BSDC1: variants seen among roughly 807,000 people sequenced by gnomAD.
BSDC1 encodes the protein BSD domain-containing protein 1.
Under a neutral mutation model 56.0 loss-of-function variants are expected in BSDC1, and 29 were observed. The observed-to-expected ratio is 0.52, with a 90% confidence interval of 0.39 to 0.71. The LOEUF (loss-of-function observed/expected upper bound fraction) is 0.71, where lower values mean the gene tolerates loss of function less well. Ranked by LOEUF, BSDC1 falls within the 30% of genes least tolerant of loss-of-function variation. BSDC1 has a pLI of 0.00. For missense variants in BSDC1, 477 were observed against 548.5 expected, an observed-to-expected ratio of 0.87 and a Z score of 1.30; for synonymous variants, 210 against 215.3, an observed-to-expected ratio of 0.98 and a Z score of 0.21.
At chr1:32,381,319 G>C in intron 4 of BSDC1, 51 bp from the exon 5 acceptor site, 2 of 1,558,694 alleles carry the variant, frequency 1.3e-6, no homozygotes, top group Non-Finnish European at 1.8e-6. Flanking sequence ...ACTGGGCATA[G>C]AAAGCACCCT....
chr1:32,366,813 G>T (rs1641871645), intron 10 of BSDC1, 159 bp from the exon 11 acceptor site: 15 of 1,379,866 alleles, frequency 1.1e-5, no homozygotes, highest in Non-Finnish European at 1.4e-5. Flanking sequence ...CTTAAGGAAT[G>T]TGTCTGAGGG....
chr1:32,390,575 T>C (rs965040583), intron 2 of BSDC1, among the ~76,000 whole-genome samples: 2 of 152,138 alleles, frequency 1.3e-5, no homozygotes, highest in Non-Finnish European at 2.9e-5. Flanking sequence ...TTGAGATGAC[T>C]GTGGGCTGTC....
Position 32,378,340 on chromosome 1 carries a change from T to A in BSDC1, c.529-57A>T. On this transcript the variant is annotated intron_variant, in intron 6 of 10. Transcript: ENST00000455895. The surrounding 1 kb of genome is among the most constrained non-coding windows in gnomAD (Gnocchi z 5.2). ...TGGGAGTGTTTGTGTGGGGTCTGTG[T>A]CCCCAGCCTTATCAGTCTATTCCCA... 3 of 1,511,850 alleles carry A rather than the reference T, an allele frequency of 2.0e-6. No homozygotes were observed. Among genetic ancestry groups the A allele is most frequent in the East Asian group, 2.3e-5 (1 of 44,280 alleles). 93.7% of individuals were successfully genotyped at this position (1,511,850 alleles called of 1,614,324 possible).
chr1:32,389,642 A>G (rs144991051), intron 2 of BSDC1, among the ~76,000 whole-genome samples: 30 of 152,224 alleles, frequency 2.0e-4, no homozygotes, highest in South Asian at 8.3e-4. Flanking sequence ...TAAAGAATGA[A>G]CAGGAGTTGG....
intron 5 of BSDC1, among the ~76,000 whole-genome samples, chr1:32,379,534 C>G (rs1378311542): frequency 1.3e-5 from 2 of 152,172 alleles, no homozygotes; most frequent in Non-Finnish European, 2.9e-5. Context: ...GTTATCCAAC[C>G]TGGGGGCCAT....
chr1:32,367,413 G>A, intron 10 of BSDC1: 1 of 985,422 alleles, frequency 1.0e-6, no homozygotes. Flanking sequence ...GTAGTCACAA[G>A]TGCAAAATAC....
At position 32,366,409 on chromosome 1, in the gene BSDC1, C is replaced by T; in HGVS notation, c.*213G>A. 1.4e-6 allele frequency: 1 copy of T among 703,716 alleles called. No individual in the cohort carries two copies. The highest frequency in any genetic ancestry group is 1.5e-5 in the South Asian group (1 of 66,754). The allele number at this position is 703,716 out of a possible 1,614,324, so 43.6% of individuals were successfully genotyped here. ...CCCTTGGGTCATCCTATTGTTGGCA[C>T]AAGTCAGAGTTTCTGGCCGGGATTT... On this transcript the variant is annotated 3_prime_UTR_variant, in exon 11 of 11. Transcript: ENST00000455895.
chr1:32,366,594 G>A lies in BSDC1; in HGVS notation c.*28C>T. Reference sequence around the variant, plus strand: ...AGCGAGGGAGGCGAGAGATGCCATGGGTGGGGGAGCTGCTCCCTCTGGCTC... The same window carrying A: ...AGCGAGGGAGGCGAGAGATGCCATGAGTGGGGGAGCTGCTCCCTCTGGCTC... On this transcript the variant is annotated 3_prime_UTR_variant, in exon 11 of 11. Coordinates refer to ENST00000455895, the MANE Select transcript of BSDC1 (RefSeq NM_018045.8). The A allele has an allele frequency of 1.3e-6, 2 of 1,512,280 alleles. No individual in the cohort carries two copies. The highest frequency in any genetic ancestry group is 1.8e-6 in the Non-Finnish European group (2 of 1,117,772). 93.7% of individuals were successfully genotyped at this position (1,512,280 alleles called of 1,614,324 possible). A position where few individuals can be genotyped will look rare whatever the true frequency, so the allele number is the denominator to read the frequency against.
intron 4 of BSDC1, among the ~76,000 whole-genome samples, chr1:32,382,016 C>G (rs1034862614): frequency 2.0e-5 from 3 of 152,114 alleles, no homozygotes; most frequent in African/African-American, 7.2e-5. Flanking sequence ...CTCTGGAGGT[C>G]TGGAGTTCAA....
chr1:32,386,154 TA>T (rs1642659515), intron 3 of BSDC1, among the ~76,000 whole-genome samples: 1 of 151,714 alleles, frequency 6.6e-6, no homozygotes, highest in African/African-American at 2.4e-5. Flanking sequence ...CCGTCTCTAC[TA>T]AAAAATACAA....
rs368628528 is a variant in BSDC1 at position 32,381,410 on chromosome 1, G to C, written c.358-142C>G. Reference sequence around the variant, plus strand: ...ATACCCCCAGGGCATCTGTTAATTAGCACTGTGGCACAGAGAGTGGGGCAC... The same window carrying C: ...ATACCCCCAGGGCATCTGTTAATTACCACTGTGGCACAGAGAGTGGGGCAC... On this transcript the variant is annotated intron_variant, in intron 4 of 10. Coordinates refer to ENST00000455895, the MANE Select transcript of BSDC1 (RefSeq NM_018045.8). 2.8e-4 allele frequency: 222 copies of C among 798,784 alleles called. 1 individual carries two copies. The South Asian group carries it at 3.2e-3, about 11-fold the overall frequency. The allele number at this position is 798,784 out of a possible 1,614,324, so 49.5% of individuals were successfully genotyped here.
chr1:32,392,173 A>C (rs1015213027), intron 2 of BSDC1, among the ~76,000 whole-genome samples: 1 of 152,088 alleles, frequency 6.6e-6, no homozygotes, highest in Non-Finnish European at 1.5e-5. Context: ...CTCTATTGAA[A>C]ATAGAAAAAT....
chr1:32,368,642 G>A (rs1641946569), intron 9 of BSDC1, 92 bp from the exon 10 acceptor site: 4 of 1,548,048 alleles, frequency 2.6e-6, no homozygotes, highest in Non-Finnish European at 2.6e-6. Flanking sequence ...TGCTTCAAAA[G>A]GGTCTCACAA....
chr1:32,366,967 A>G, intron 10 of BSDC1: 4 of 1,126,064 alleles, frequency 3.6e-6, no homozygotes, highest in Non-Finnish European at 2.2e-6. Flanking sequence ...TTTAAGGAGA[A>G]CTTGCCTCCT....
chr1:32,367,682 T>C (rs1641901536), intron 10 of BSDC1: 1 of 985,500 alleles, frequency 1.0e-6, no homozygotes, highest in Admixed American at 6.1e-5. Flanking sequence ...TGAGCCACTT[T>C]TGATTCTGAG....
chr1:32,364,723 C>T lies in BSDC1; in HGVS notation c.*1899G>A, dbSNP rs1641783075. On this transcript the variant is annotated 3_prime_UTR_variant, in exon 11 of 11. Transcript: ENST00000455895. Reference sequence around the variant, plus strand: ...AAAATGTTGGGATTACAGGCATGAGCCACTGCGCCTGGCATGACAAGTGAT... The same window carrying T: ...AAAATGTTGGGATTACAGGCATGAGTCACTGCGCCTGGCATGACAAGTGAT... Among the ~76,000 whole-genome samples the T allele has an allele frequency of 6.6e-6, 1 of 152,206 alleles. No homozygotes were observed. Among genetic ancestry groups the T allele is most frequent in the South Asian group, 2.1e-4 (1 of 4,834 alleles).
chr1:32,383,679 C>T, intron 4 of BSDC1, 151 bp downstream of exon 4: 1 of 644,338 alleles, frequency 1.6e-6, no homozygotes, highest in East Asian at 2.8e-5. Context: ...TTATCCTGTC[C>T]TTGCTTACTG....
chr1:32,367,226 T>C (rs1298305595), intron 10 of BSDC1: 9 of 985,392 alleles, frequency 9.1e-6, no homozygotes, highest in Non-Finnish European at 1.1e-5. Flanking sequence ...CGGAACGTTT[T>C]CTTGCTTTGT....
chr1:32,370,740 C>T (rs1299092526), intron 9 of BSDC1, among the ~76,000 whole-genome samples: 1 of 135,206 alleles, frequency 7.4e-6, no homozygotes, highest in Non-Finnish European at 1.5e-5. Flanking sequence ...GGAGGCAGAG[C>T]TTGCAGTGAG....
Sources: allele counts gnomAD v4.1 joint callset (sites outside exome capture counted in the v4.1 genomes callset), GRCh38; gene constraint gnomAD v4.1.1; non-coding constraint Gnocchi (gnomAD v3.1); transcripts MANE v1.5; gene names NCBI Gene and HGNC (gene_info 2026-07-23, HGNC 2026-07-21).